The following ATP6V1H variants were observed in gnomAD, a reference collection of about 807,000 sequenced individuals.
ATP6V1H encodes the protein V-type proton ATPase subunit H.
ATP6V1H carries 39 observed loss-of-function variants against 71.7 expected under a neutral mutation model. The ratio of observed to expected loss-of-function variants is 0.54; its 90% CI spans 0.42 to 0.71. The LOEUF is 0.71. Ranked by LOEUF, ATP6V1H falls within the 30% of genes least tolerant of loss-of-function variation. The probability of loss-of-function intolerance (pLI) is 0.00; values close to 1 mark genes in which losing one functional copy is unlikely to be tolerated. For missense variants in ATP6V1H, 509 were observed against 594.9 expected (o/e 0.86, Z 1.50); for synonymous variants, 192 against 199.3 (o/e 0.96, Z 0.31).
intron 12 of ATP6V1H, among the ~76,000 whole-genome samples, chr8:53,746,894 TA>T (rs1399667119): frequency 6.6e-6 from 1 of 152,226 alleles, no homozygotes; most frequent in Admixed American, 6.5e-5. Context: ...TATTGTCTAA[TA>T]GGGGTAATCT....
intron 11 of ATP6V1H, 82 bp from the exon 12 acceptor site, chr8:53,756,738 C>A (rs770396121): frequency 1.2e-6 from 1 of 817,206 alleles, no homozygotes; most frequent in Non-Finnish European, 1.9e-6. Context: ...ATGAAGATAT[C>A]TTCCTGAAAA....
intron 3 of ATP6V1H, 40 bp from the exon 4 acceptor site, chr8:53,829,573 G>A (rs758865709): frequency 7.8e-7 from 1 of 1,289,392 alleles, no homozygotes. Context: ...GTTTTTATTT[G>A]CAGACACATT....
intron 6 of ATP6V1H, among the ~76,000 whole-genome samples, chr8:53,813,204 C>T (rs1005428914): frequency 2.0e-5 from 3 of 152,118 alleles, no homozygotes; most frequent in Non-Finnish European, 4.4e-5. Context: ...CTTGTAAAAA[C>T]GCTTTTTAAA....
chr8:53,721,915 G>A (rs1177679750), intron 13 of ATP6V1H, among the ~76,000 whole-genome samples: 2 of 151,928 alleles, frequency 1.3e-5, no homozygotes, highest in African/African-American at 4.8e-5. Context: ...AAATTAAAAA[G>A]GAAAAAGAGA....
chr8:53,755,352 G>C (rs1251784200), intron 12 of ATP6V1H, among the ~76,000 whole-genome samples: 1 of 151,766 alleles, frequency 6.6e-6, no homozygotes, highest in East Asian at 1.9e-4. Flanking sequence ...CCAGGTATTT[G>C]GTCTGAAAGG....
At chr8:53,756,737 T>A in intron 11 of ATP6V1H, 81 bp from the exon 12 acceptor site, 1 of 825,738 alleles carries the variant, frequency 1.2e-6, no homozygotes, top group Non-Finnish European at 1.9e-6. Flanking sequence ...AATGAAGATA[T>A]CTTCCTGAAA....
intron 4 of ATP6V1H, among the ~76,000 whole-genome samples, chr8:53,818,314 T>C (rs2130484325): frequency 6.6e-6 from 1 of 152,328 alleles, no homozygotes. Flanking sequence ...AGGTGGTATT[T>C]GTTATGTAAG....
intron 9 of ATP6V1H, among the ~76,000 whole-genome samples, chr8:53,780,528 TTTTTC>T (rs1167264588): frequency 5.9e-5 from 9 of 152,232 alleles, no homozygotes; most frequent in African/African-American, 2.2e-4. Flanking sequence ...GTTATATTTT[TTTTTC>T]TTTTTTTTAA....
chr8:53,797,554 G>A (rs1809781008), intron 8 of ATP6V1H, among the ~76,000 whole-genome samples: 1 of 152,110 alleles, frequency 6.6e-6, no homozygotes, highest in Admixed American at 6.6e-5. Context: ...AATTTCAGCT[G>A]TACTCAGCCC....
intron 2 of ATP6V1H, among the ~76,000 whole-genome samples, chr8:53,835,124 T>G (rs56956173): frequency 0.12 from 18,817 of 152,066 alleles, 1,791 homozygotes; most frequent in East Asian, 0.45. Context: ...CTCCAGTTTG[T>G]GTGACAGAGT....
intron 7 of ATP6V1H, chr8:53,806,766 G>A: frequency 9.2e-6 from 4 of 433,968 alleles, no homozygotes; most frequent in South Asian, 3.3e-5. Context: ...TTGCATTTCA[G>A]AATATATCTC....
At chr8:53,785,197 T>C (rs1307474964) in intron 9 of ATP6V1H, among the ~76,000 whole-genome samples, 1 of 152,202 alleles carries the variant, frequency 6.6e-6, no homozygotes, top group Non-Finnish European at 1.5e-5. Context: ...GATTTGGTCT[T>C]TTCACATAGT....
At chr8:53,734,712 AG>A (rs2130143495) in intron 13 of ATP6V1H, among the ~76,000 whole-genome samples, 1 of 152,334 alleles carries the variant, frequency 6.6e-6, no homozygotes, top group South Asian at 2.1e-4. Flanking sequence ...CTCCCACTAC[AG>A]TTGCTTTAGG....
chr8:53,779,468 C>T (rs547444704), intron 9 of ATP6V1H, among the ~76,000 whole-genome samples: 227 of 150,874 alleles, frequency 1.5e-3, no homozygotes, highest in Non-Finnish European at 2.7e-3. Flanking sequence ...TTATTACATG[C>T]TTGTCTCCTT....
intron 2 of ATP6V1H, chr8:53,839,818 C>T: frequency 1.0e-6 from 1 of 985,458 alleles, no homozygotes; most frequent in South Asian, 4.7e-5. Context: ...AACTTCATAT[C>T]AATCATGGGC....
rs146922669 is a variant in ATP6V1H at position 53,791,390 on chromosome 8, T to C, written c.870+4257A>G. ...ATTCATGTTGGCCCCACTAGTTCTA[T>C]GCCCAGAGTGGTAGGGGCAAAAGAT... On this transcript the variant is annotated intron_variant, in intron 9 of 13. Transcript: ENST00000359530. Among the ~76,000 whole-genome samples the C allele has an allele frequency of 8.6e-3, 1,304 of 152,288 alleles. 4 individuals carry two copies. The highest frequency in any genetic ancestry group is 0.015 in the South Asian group (73 of 4,826).
At chr8:53,717,267 G>A (rs1422837595) in intron 13 of ATP6V1H, among the ~76,000 whole-genome samples, 1 of 152,202 alleles carries the variant, frequency 6.6e-6, no homozygotes, top group Non-Finnish European at 1.5e-5. Context: ...AGAAAAGACA[G>A]AAGCACTGGG....
chr8:53,795,739 G>A lies in ATP6V1H; in HGVS notation c.778C>T (p.Leu260=), dbSNP rs942751971. 1.2e-6 allele frequency: 2 copies of A among 1,613,880 alleles called. No homozygotes were observed. Among genetic ancestry groups the A allele is most frequent in the African/African-American group, 1.3e-5 (1 of 74,880 alleles). ...LAFSPQMCEH[L]RRYNIIPVLS... ...ACTGGAATGATATTATAGCGCCGCA[G>A]GTGTTCACACATTTGAGGACTGAAT... Residue 260 remains leucine (L), a synonymous_variant, in exon 9 of 14, where the codon CTG becomes TTG. Transcript: ENST00000359530.
At chr8:53,732,658 CAAA>C (rs576194964) in intron 13 of ATP6V1H, among the ~76,000 whole-genome samples, 6 of 93,878 alleles carry the variant, frequency 6.4e-5, no homozygotes, top group Non-Finnish European at 2.3e-5. Flanking sequence ...CAGCTTATTG[CAAA>C]AAAAAAAAAA....
Sources: gnomAD v4.1 joint callset for allele counts (sites outside exome capture counted in the v4.1 genomes callset) on GRCh38, gnomAD v4.1.1 for gene constraint, MANE v1.5 for transcripts, NCBI Gene and HGNC (gene_info 2026-07-23, HGNC 2026-07-21) for gene names.